EXD3: variants seen among roughly 807,000 people sequenced by gnomAD.
EXD3 encodes exonuclease mut-7 homolog.
Under a neutral mutation model 98.0 loss-of-function variants are expected in EXD3, and 92 were observed. That is an observed-to-expected ratio of 0.94 (90% CI 0.79 to 1.12). The LOEUF (loss-of-function observed/expected upper bound fraction) is 1.12. Among genes scored for constraint, EXD3 ranks in the 50% most tolerant of loss-of-function variants. The pLI is 0.00. For missense variants in EXD3, 1,222 were observed against 1,191.6 expected, an observed-to-expected ratio of 1.03 and a Z score of -0.38; for synonymous variants, 569 against 526.0, an observed-to-expected ratio of 1.08 and a Z score of -1.12.
At chr9:137,411,707 GGGGGGAGGGGGATGGGTGGGGGA>G (rs1483328014) in intron 1 of EXD3, among the ~76,000 whole-genome samples, 3 of 140,558 alleles carry the variant, frequency 2.1e-5, no homozygotes, top group African/African-American at 7.8e-5. Flanking sequence ...GGGGGAGGTT[GGGGGGAGGGGGATGGGTGGGGGA>G]GGGGGAGGGG....
At chr9:137,392,794 G>A (rs1177112279) in intron 2 of EXD3, 5 of 349,754 alleles carry the variant, frequency 1.4e-5, no homozygotes, top group South Asian at 2.2e-5. Flanking sequence ...AGGGGGCATC[G>A]AGGCTGTTCT....
chr9:137,388,586 C>T (rs1176667958), intron 2 of EXD3, among the ~76,000 whole-genome samples: 2 of 152,072 alleles, frequency 1.3e-5, no homozygotes, highest in Non-Finnish European at 2.9e-5. Context: ...GGCACAGAAG[C>T]CCCAGGAACT....
chr9:137,372,317 G>A (rs1265622502), intron 5 of EXD3, among the ~76,000 whole-genome samples: 3 of 152,192 alleles, frequency 2.0e-5, no homozygotes, highest in Non-Finnish European at 2.9e-5. Flanking sequence ...CCCAGGCGCC[G>A]GCACTGCCCA....
At chr9:137,383,630 G>A (rs1325476806) in intron 2 of EXD3, among the ~76,000 whole-genome samples, 1 of 152,178 alleles carries the variant, frequency 6.6e-6, no homozygotes, top group East Asian at 1.9e-4. Flanking sequence ...CTTCAACCAC[G>A]CTCAGCCCTG....
In EXD3 at chr9:137,407,825, C is replaced by CGTGGGAG. The variant is rs1554739571; in HGVS notation, c.-47-12422_-47-12421insCTCCCAC. Among the ~76,000 whole-genome samples, 71 of 150,322 alleles carry CGTGGGAG rather than the reference C, an allele frequency of 4.7e-4. No homozygotes were observed. The highest frequency in any genetic ancestry group is 1.7e-3 in the African/African-American group (69 of 41,044). On this transcript the variant is annotated intron_variant, in intron 1 of 21. Coordinates refer to ENST00000340951, the MANE Select transcript of EXD3 (RefSeq NM_017820.5). The surrounding 1 kb of genome is among the most constrained non-coding windows in gnomAD (Gnocchi z 4.4). ...TGCGCCGGCTGGACCCAAGGACACA[C>CGTGGGAG]GCGGGAGGCGGGAGGCGGGAGGGGC...
rs1837660269 is a variant in EXD3 at position 137,405,266 on chromosome 9, C to T, written c.-47-9862G>A. 2.0e-5 allele frequency among the ~76,000 whole-genome samples: 3 copies of T among 152,208 alleles called. No homozygotes were observed. Among genetic ancestry groups the T allele is most frequent in the East Asian group, 3.9e-4 (2 of 5,190 alleles). On this transcript the variant is annotated intron_variant, in intron 1 of 21. Coordinates refer to ENST00000340951, the MANE Select transcript of EXD3 (RefSeq NM_017820.5). This position sits in a 1 kb window ranked among gnomAD's most constrained non-coding sequence, Gnocchi z 4.1. ...CCACAGAGGGCTGGGCCAGCACCCC[C>T]GGGGGAAGGCGGTGGGCACCCAGGG...
intron 1 of EXD3, among the ~76,000 whole-genome samples, chr9:137,398,043 T>G (rs1475727495): frequency 2.6e-5 from 4 of 152,186 alleles, no homozygotes; most frequent in Non-Finnish European, 5.9e-5. Context: ...AAGAGCTAAA[T>G]GGAAACTCGG....
chr9:137,338,254 C>T (rs1833465053), intron 17 of EXD3, among the ~76,000 whole-genome samples: 1 of 152,116 alleles, frequency 6.6e-6, no homozygotes, highest in African/African-American at 2.4e-5. Context: ...GCCCCAAGAT[C>T]CAAGCTTTCT....
chr9:137,308,131 A>T (rs1356534296), intron 20 of EXD3, among the ~76,000 whole-genome samples: 1 of 151,938 alleles, frequency 6.6e-6, no homozygotes, highest in African/African-American at 2.4e-5. Flanking sequence ...CCGAGCCCCC[A>T]TTGAGAGCCC....
intron 19 of EXD3, among the ~76,000 whole-genome samples, chr9:137,321,638 A>G (rs1467667279): frequency 6.6e-6 from 1 of 152,146 alleles, no homozygotes; most frequent in African/African-American, 2.4e-5. Context: ...AGCTGAGATT[A>G]CATCACTACA....
chr9:137,366,020 ACACATACATG>A, intron 7 of EXD3: 1 of 625,174 alleles, frequency 1.6e-6, no homozygotes, highest in South Asian at 1.5e-5. Flanking sequence ...ACATGGGCAC[ACACATACATG>A]CACACACATG....
At chr9:137,368,989 C>T (rs1588365180) in intron 5 of EXD3, among the ~76,000 whole-genome samples, 2 of 7,950 alleles carry the variant, frequency 2.5e-4, no homozygotes, top group South Asian at 3.9e-3. Flanking sequence ...GTGCAGTGCC[C>T]GGGGCGGGGT....
intron 3 of EXD3, among the ~76,000 whole-genome samples, chr9:137,380,162 C>A (rs2131708424): frequency 6.6e-6 from 1 of 152,048 alleles, no homozygotes; most frequent in African/African-American, 2.4e-5. Context: ...GTGAAGGAAG[C>A]CGTCCCACCC....
chr9:137,363,202 G>A (rs1835069947), intron 7 of EXD3, among the ~76,000 whole-genome samples: 1 of 150,168 alleles, frequency 6.7e-6, no homozygotes, highest in South Asian at 2.1e-4. Flanking sequence ...AAATATGTTG[G>A]ACTTTAGTTT....
chr9:137,383,514 CCT>C (rs1354188079), intron 2 of EXD3, 137 bp from the exon 3 acceptor site: 3 of 615,506 alleles, frequency 4.9e-6, no homozygotes, highest in East Asian at 6.2e-5. Flanking sequence ...CCCTCCCCCA[CCT>C]CTGTCTGGCA....
chr9:137,364,875 TCTC>T, intron 7 of EXD3, among the ~76,000 whole-genome samples: 1 of 150,806 alleles, frequency 6.6e-6, no homozygotes, highest in East Asian at 2.0e-4. Context: ...TTCACGCTAT[TCTC>T]CTGCTTCAGC....
At chr9:137,330,192 A>AG (rs1832949617) in intron 17 of EXD3, among the ~76,000 whole-genome samples, 2 of 136,284 alleles carry the variant, frequency 1.5e-5, no homozygotes, top group Admixed American at 7.2e-5. Flanking sequence ...ACTACACAGG[A>AG]CTACACAGGA....
At chr9:137,365,994 C>A (rs548714732) in intron 7 of EXD3, 2 of 575,256 alleles carry the variant, frequency 3.5e-6, no homozygotes, top group Admixed American at 4.4e-5. Flanking sequence ...ACATGCACAC[C>A]TGCAGGCACA....
intron 1 of EXD3, among the ~76,000 whole-genome samples, chr9:137,417,222 G>A (rs1162491359): frequency 6.6e-6 from 1 of 152,230 alleles, no homozygotes; most frequent in African/African-American, 2.4e-5. Context: ...CACAGAGGAC[G>A]CGGCCACGGA....
Sources: allele counts gnomAD v4.1 joint callset (sites outside exome capture counted in the v4.1 genomes callset), GRCh38; gene constraint gnomAD v4.1.1; non-coding constraint Gnocchi (gnomAD v3.1); transcripts MANE v1.5; gene names NCBI Gene and HGNC (gene_info 2026-07-23, HGNC 2026-07-21).